The following ARHGEF15 variants were observed in gnomAD, a reference collection of about 807,000 sequenced individuals.
ARHGEF15 encodes Rho guanine nucleotide exchange factor 15, also known as Rho guanine nucleotide exchange factor (GEF) 15.
Under a neutral mutation model 79.7 loss-of-function variants are expected in ARHGEF15, and 58 were observed. That is an observed-to-expected ratio of 0.73 (90% CI 0.59 to 0.91). The LOEUF (loss-of-function observed/expected upper bound fraction) is 0.91, where lower values mean the gene tolerates loss of function less well. Among genes scored for constraint, ARHGEF15 ranks in the 40% least tolerant of loss-of-function variants. The pLI is 0.00. For synonymous variants in ARHGEF15, 442 were observed against 456.0 expected (o/e 0.97, Z 0.39); for missense variants, 1,012 against 1,108.1 (o/e 0.91, Z 1.23).
chr17:8,314,902 A>T lies in ARHGEF15; in HGVS notation c.990-4A>T. On this transcript the variant is annotated splice_region_variant and splice_polypyrimidine_tract_variant and intron_variant, in intron 4 of 15. Transcript: ENST00000361926. Reference sequence around the variant, plus strand: ...GGGACTTCCTTCCCTTTCTTTCTCCACAGGGAAGAGGAGGGGCTAGAGGTG... The same window carrying T: ...GGGACTTCCTTCCCTTTCTTTCTCCTCAGGGAAGAGGAGGGGCTAGAGGTG... 1 of 1,613,732 alleles carries T rather than the reference A, an allele frequency of 6.2e-7. No homozygotes were observed. The highest frequency in any genetic ancestry group is 2.2e-5 in the East Asian group (1 of 44,866).
Position 8,318,848 on chromosome 17 carries a change from C to G in ARHGEF15, c.1971C>G (p.Pro657=), listed in dbSNP as rs749359921. ...GGGGCGTGCTCTTTGCCTCGCGCCC[C>G]CGCTTCACCCCTCTTTGCCTGCTGC... ...RRGGVLFASR[P]RFTPLCLLLF... The change falls in exon 12 of 16, where the codon CCC becomes CCG. Residue 657 remains proline, a synonymous_variant. Transcript: ENST00000361926. The surrounding 1 kb of genome is among the most constrained non-coding windows in gnomAD (Gnocchi z 5.0). The G allele has an allele frequency of 4.3e-6, 7 of 1,613,520 alleles. No homozygotes were observed. In the South Asian group the frequency reaches 7.7e-5, roughly 18 times the overall value.
intron 1 of ARHGEF15, among the ~76,000 whole-genome samples, chr17:8,311,703 T>C (rs1245184901): frequency 7.5e-6 from 1 of 133,704 alleles, no homozygotes; most frequent in Non-Finnish European, 1.6e-5. Context: ...CACCGTATGC[T>C]CCACTCTCCC....
chr17:8,320,855 G>T lies in ARHGEF15; in HGVS notation c.2388G>T (p.Gly796=), dbSNP rs145204305. ...CTCTTCCCCCAGGTTGGCTGAAGGG[G>T]CTTCCTGGGGCCTTCCCTGCCCAGC... ...LHKTPEGWLK[G]LPGAFPAQLV... is the part of the protein sequence containing the mutation. The change falls in exon 16 of 16, where the codon GGG becomes GGT. Residue 796 remains glycine (G), a synonymous_variant. Coordinates refer to ENST00000361926, the MANE Select transcript of ARHGEF15 (RefSeq NM_173728.4). 851 of 1,612,684 alleles carry T rather than the reference G, an allele frequency of 5.3e-4. 7 individuals carry two copies. In the African/African-American group the frequency reaches 0.01, roughly 19 times the overall value.
At chr17:8,316,477 G>A (rs1726085384) in intron 9 of ARHGEF15, among the ~76,000 whole-genome samples, 1 of 152,204 alleles carries the variant, frequency 6.6e-6, no homozygotes, top group Non-Finnish European at 1.5e-5. Flanking sequence ...GTCTCAGGGG[G>A]AGTGTGTGAG....
At position 8,316,203 on chromosome 17, in the gene ARHGEF15, C is replaced by A. The variant is rs934030289; in HGVS notation, c.1704+55C>A. 1.9e-6 allele frequency: 3 copies of A among 1,573,960 alleles called. No homozygotes were observed. The African/African-American group carries it at 4.0e-5, about 21-fold the overall frequency. On this transcript the variant is annotated intron_variant, in intron 9 of 15. Coordinates refer to ENST00000361926, the MANE Select transcript of ARHGEF15 (RefSeq NM_173728.4). ...CCCACCAACCCCATCGGAGAACTCT[C>A]CCGAGGGCTTCTTGGCCCTCCAGCT...
chr17:8,311,457 A>G (rs902211284), intron 1 of ARHGEF15, among the ~76,000 whole-genome samples: 1 of 152,052 alleles, frequency 6.6e-6, no homozygotes, highest in East Asian at 1.9e-4. Context: ...ATGGCAGGAA[A>G]AGGAGACTAA....
At chr17:8,313,335 C>T in intron 3 of ARHGEF15, 81 bp downstream of exon 3, 2 of 1,525,380 alleles carry the variant, frequency 1.3e-6, no homozygotes, top group Non-Finnish European at 1.8e-6. Flanking sequence ...CAGCAAACTA[C>T]AATCCCCAAC....
chr17:8,319,197 C>T (rs781600724), intron 13 of ARHGEF15, 38 bp downstream of exon 13: 1 of 1,609,744 alleles, frequency 6.2e-7, no homozygotes, highest in Admixed American at 1.7e-5. Flanking sequence ...CCTTGGGACA[C>T]TTATCTGACC....
At position 8,315,739 on chromosome 17, in the gene ARHGEF15, TCC is replaced by T. The variant is rs762001065; in HGVS notation, c.1422-13_1422-12del. Reference sequence around the variant, plus strand: ...TCTCTGCCCCGCCCCATTGCTTGCTTCCCCAATTCCTTCAGGTTTCTAGCAAC... The same window carrying T: ...TCTCTGCCCCGCCCCATTGCTTGCTTCCAATTCCTTCAGGTTTCTAGCAAC... On this transcript the variant is annotated splice_polypyrimidine_tract_variant and intron_variant, in intron 7 of 15. Transcript: ENST00000361926. The surrounding 1 kb of genome is among the most constrained non-coding windows in gnomAD (Gnocchi z 4.3). The T allele has an allele frequency of 1.0e-4, 161 of 1,608,656 alleles. 4 individuals are homozygous for T. The East Asian group carries it at 3.6e-3, about 36-fold the overall frequency.
In ARHGEF15 at chr17:8,318,113, G is replaced by A. The variant is rs1597465593; in HGVS notation, c.1705-274G>A. ...CTTTTCAACATTTAATATGTGCCAA[G>A]AACTATGCTAAGCACTTTACATATA... On this transcript the variant is annotated intron_variant, in intron 9 of 15. Transcript: ENST00000361926. The surrounding 1 kb of genome is among the most constrained non-coding windows in gnomAD (Gnocchi z 5.0). The A allele has an allele frequency of 1.0e-5, 4 of 399,850 alleles. No homozygotes were observed. The highest frequency in any genetic ancestry group is 7.8e-5 in the East Asian group (2 of 25,536). The allele number at this position is 399,850 out of a possible 1,614,324, so 24.8% of individuals were successfully genotyped here.
Position 8,312,481 on chromosome 17 carries a change from G to A in ARHGEF15, c.442G>A (p.Gly148Ser), listed in dbSNP as rs148813316. The A allele has an allele frequency of 6.2e-7, 1 of 1,613,632 alleles. No individual in the cohort carries two copies. Among genetic ancestry groups the A allele is most frequent in the East Asian group, 2.2e-5 (1 of 44,864 alleles). ...LAQNGSASAP[G>S]TVRRLAGRFE... is the part of the protein sequence containing the mutation. The stretch of plus-strand genomic sequence containing the variant: ...TCAGAATGGCTCTGCCTCAGCTCCT[G>A]GCACTGTGCGGAGGCTGGCTGGCAG... The change falls in exon 2 of 16, where the codon GGC (glycine) becomes AGC (serine). Residue 148 changes from glycine (G) to serine (S), a missense_variant. Gly to Ser is a moderately conservative substitution (Grantham distance 56). Transcript: ENST00000361926.
In ARHGEF15 at chr17:8,319,527, G is replaced by C. The variant is rs116448253; in HGVS notation, c.2298G>C (p.Ser766=). Residue 766 remains serine (S), a synonymous_variant, in exon 15 of 16, where the codon TCG becomes TCC. Transcript: ENST00000361926. ...CDCSQELCSE[S]SAPAKTEGRS... ...GTTCCCAGGAACTGTGTTCAGAGTC[G>C]TCTGCACCTGCCAAGACTGAAGGAC... 4 of 1,610,604 alleles carry C rather than the reference G, an allele frequency of 2.5e-6. No homozygotes were observed. The highest frequency in any genetic ancestry group is 4.5e-5 in the East Asian group (2 of 44,854).
At position 8,312,961 on chromosome 17, in the gene ARHGEF15, G is replaced by A. The variant is rs759338277; in HGVS notation, c.641G>A (p.Cys214Tyr). The change falls in exon 3 of 16, where the codon TGC becomes TAC. Residue 214 changes from cysteine (C) to tyrosine (Y), a missense_variant. Physicochemically the swap from Cys to Tyr is radical, Grantham distance 194. Coordinates refer to ENST00000361926, the MANE Select transcript of ARHGEF15 (RefSeq NM_173728.4). ...TGCCCTCCCTGCTGCCCCTGTGTCT[G>A]CCACACCACCCGGCCTGGCCTGGAG... ...LACPPCCPCV[C>Y]HTTRPGLELR... 1 of 1,592,998 alleles carries A rather than the reference G, an allele frequency of 6.3e-7. No individual in the cohort carries two copies. Among genetic ancestry groups the A allele is most frequent in the South Asian group, 1.1e-5 (1 of 87,648 alleles).
rs200416299 is a variant in ARHGEF15 at position 8,319,083 on chromosome 17, C to G, written c.2110C>G (p.Pro704Ala). ...CCAGCAGGTTCCGGATCCATCTGGA[C>G]CCCCTACCTTCCGCCTCTCCCTTCT... ...QAQQVPDPSG[P>A]PTFRLSLLSN... Residue 704 changes from proline (P) to alanine (A), a missense_variant, in exon 13 of 16, where the codon CCC (proline) becomes GCC (alanine). Transcript: ENST00000361926. The G allele has an allele frequency of 9.9e-6, 16 of 1,614,016 alleles. No homozygotes were observed. The South Asian group carries it at 1.8e-4, about 18-fold the overall frequency.
rs371384746 is a variant in ARHGEF15, at chr17:8,314,854, G to T, written c.990-52G>T. ...CCAGCATGAGAACAAGCACCCCTAC[G>T]GTGGGCAGCAGTGGTGGCCCTGGGG... On this transcript the variant is annotated intron_variant, in intron 4 of 15. Coordinates refer to ENST00000361926, the MANE Select transcript of ARHGEF15 (RefSeq NM_173728.4). The T allele has an allele frequency of 2.9e-5, 46 of 1,606,424 alleles. No individual in the cohort carries two copies. The Admixed American group carries it at 3.0e-4, about 11-fold the overall frequency.
Position 8,318,671 on chromosome 17 carries a change from C to T in ARHGEF15, c.1872+9C>T. On this transcript the variant is annotated intron_variant, in intron 11 of 15. Transcript: ENST00000361926. This position sits in a 1 kb window ranked among gnomAD's most constrained non-coding sequence, Gnocchi z 5.0. ...GCTTCCACAAAGTCAAGGTACATCG[C>T]TGCCCAGGCTCCCCATCTTGCCCTG... The T allele has an allele frequency of 6.2e-7, 1 of 1,611,588 alleles. No individual in the cohort carries two copies. Among genetic ancestry groups the T allele is most frequent in the African/African-American group, 1.3e-5 (1 of 75,002 alleles).
rs181130635 is a variant in ARHGEF15, at chr17:8,322,371, C to T, written c.*1378C>T. On this transcript the variant is annotated 3_prime_UTR_variant, in exon 16 of 16. Coordinates refer to ENST00000361926, the MANE Select transcript of ARHGEF15 (RefSeq NM_173728.4). ...ACTTGCCCAGGACTGACACTGTCAC[C>T]CTGACTGCAGGAGGCACAGGGACTC... 8 of 152,490 alleles carry T rather than the reference C, an allele frequency of 5.2e-5. No individual in the cohort carries two copies. The highest frequency in any genetic ancestry group is 5.2e-4 in the Admixed American group (8 of 15,306). 9.4% of individuals were successfully genotyped at this position (152,490 alleles called of 1,614,324 possible).
chr17:8,320,808 C>T, intron 15 of ARHGEF15, 34 bp from the exon 16 acceptor site: 17 of 1,608,840 alleles, frequency 1.1e-5, no homozygotes, highest in Non-Finnish European at 1.4e-5. Flanking sequence ...TCCCTGCCCC[C>T]ACCTCATTGG....
chr17:8,313,339 C>T (rs978495808), intron 3 of ARHGEF15, 85 bp downstream of exon 3: 82 of 1,521,072 alleles, frequency 5.4e-5, no homozygotes, highest in Non-Finnish European at 7.2e-5. Flanking sequence ...AAACTACAAT[C>T]CCCAACAGGC....
Sources: allele counts gnomAD v4.1 joint callset (sites outside exome capture counted in the v4.1 genomes callset), GRCh38; gene constraint gnomAD v4.1.1; non-coding constraint Gnocchi (gnomAD v3.1); transcripts MANE v1.5; gene names NCBI Gene and HGNC (gene_info 2026-07-23, HGNC 2026-07-21).